STIL: variants seen among roughly 807,000 people sequenced by gnomAD.
The protein encoded by STIL is STIL centriolar assembly protein, also known as SCL-interrupting locus protein.
A neutral mutation model predicts 110.1 loss-of-function variants in STIL; 55 were observed. The ratio of observed to expected loss-of-function variants is 0.50; its 90% CI spans 0.40 to 0.63. The LOEUF (loss-of-function observed/expected upper bound fraction) is 0.63, where lower values mean the gene tolerates loss of function less well. Ranked by LOEUF, STIL falls within the 20% of genes least tolerant of loss-of-function variation. The pLI, the probability that STIL is intolerant of heterozygous loss-of-function variation, is 0.00. For missense variants in STIL, 1,358 were observed against 1,530.0 expected (o/e 0.89, Z 1.87); for synonymous variants, 481 against 530.0 (o/e 0.91, Z 1.27).
chr1:47,270,765 C>T (rs1644812627), intron 13 of STIL, among the ~76,000 whole-genome samples: 1 of 145,868 alleles, frequency 6.9e-6, no homozygotes, highest in East Asian at 2.1e-4. Flanking sequence ...GCAGCCTCAA[C>T]GTCCCTGGGC....
Position 47,287,525 on chromosome 1 carries a change from C to G in STIL, c.1133+26G>C, listed in dbSNP as rs374382017. 15 of 1,442,162 alleles carry G rather than the reference C, an allele frequency of 1.0e-5. No individual in the cohort carries two copies. In the African/African-American group the frequency reaches 2.0e-4, roughly 19 times the overall value. The allele number at this position is 1,442,162 out of a possible 1,614,324, so 89.3% of individuals were successfully genotyped here. On this transcript the variant is annotated intron_variant, in intron 10 of 16. Transcript: ENST00000371877. ...TAAATATAATTTTTAAAAAAACACA[C>G]ACATAATAACAAAAAGATCTTTTAC...
intron 5 of STIL, among the ~76,000 whole-genome samples, chr1:47,300,835 A>G (rs1450223887): frequency 1.3e-5 from 2 of 152,134 alleles, no homozygotes; most frequent in Non-Finnish European, 2.9e-5. Context: ...TGTTACCACA[A>G]ATTGTCAAGT....
At position 47,281,225 on chromosome 1, in the gene STIL, A is replaced by C. The variant is rs766352321; in HGVS notation, c.1249-16T>G. 6.2e-7 allele frequency: 1 copy of C among 1,606,802 alleles called. No individual in the cohort carries two copies. The highest frequency in any genetic ancestry group is 8.5e-7 in the Non-Finnish European group (1 of 1,177,704). On this transcript the variant is annotated splice_polypyrimidine_tract_variant and intron_variant, in intron 11 of 16. Coordinates refer to ENST00000371877, the MANE Select transcript of STIL (RefSeq NM_001048166.1). The stretch of plus-strand genomic sequence containing the variant: ...TCTTAGAAATCTACAAATAAGAAAG[A>C]AATAGAAAAAAAAAGTATTTTTTTG...
At chr1:47,267,855 G>A (rs1644700403) in intron 14 of STIL, among the ~76,000 whole-genome samples, 1 of 151,816 alleles carries the variant, frequency 6.6e-6, no homozygotes, top group Admixed American at 6.6e-5. Flanking sequence ...GACTACATGT[G>A]TGCACCACCG....
intron 10 of STIL, 38 bp downstream of exon 10, chr1:47,287,513 T>A (rs1557749047): frequency 5.2e-6 from 7 of 1,351,406 alleles, no homozygotes; most frequent in East Asian, 4.8e-5. Flanking sequence ...ATATAATTTT[T>A]AAAAAAACAC....
chr1:47,310,526 C>A (rs190507021), intron 1 of STIL, among the ~76,000 whole-genome samples, 164 bp from the exon 2 acceptor site: 2 of 152,128 alleles, frequency 1.3e-5, no homozygotes, highest in East Asian at 1.9e-4. Flanking sequence ...CATTTTCATA[C>A]GTTAGAGTCA....
intron 2 of STIL, 165 bp from the exon 3 acceptor site, chr1:47,305,161 C>T (rs1177897743): frequency 5.2e-6 from 3 of 579,104 alleles, no homozygotes; most frequent in Admixed American, 6.0e-5. Context: ...AGTCTCACTC[C>T]ATCACCCAGG....
At chr1:47,292,811 T>C (rs1373416732) in intron 8 of STIL, among the ~76,000 whole-genome samples, 1 of 152,224 alleles carries the variant, frequency 6.6e-6, no homozygotes, top group African/African-American at 2.4e-5. Context: ...TATTTACATA[T>C]GTCAATTTAT....
In STIL at chr1:47,260,271, CAA is replaced by C. The variant is rs1483004791; in HGVS notation, c.3080+16_3080+17del. 6.2e-7 allele frequency: 1 copy of C among 1,601,912 alleles called. No individual in the cohort carries two copies. Among genetic ancestry groups the C allele is most frequent in the Non-Finnish European group, 8.5e-7 (1 of 1,175,684 alleles). On this transcript the variant is annotated intron_variant, in intron 16 of 16. Transcript: ENST00000371877. The stretch of plus-strand genomic sequence containing the variant: ...AATAAAATTTATTCACTCTTTAAAA[CAA>C]AATTTTAAAAGTTACCTGGCGTGAT...
chr1:47,288,892 C>CAAAAAAAAA (rs138649605), intron 9 of STIL, among the ~76,000 whole-genome samples: 1 of 94,790 alleles, frequency 1.1e-5, no homozygotes, highest in Non-Finnish European at 2.1e-5. Flanking sequence ...AATGAAAATA[C>CAAAAAAAAA]AAAAAAAAAA....
At chr1:47,287,950 T>C (rs980127549) in intron 9 of STIL, among the ~76,000 whole-genome samples, 2 of 150,902 alleles carry the variant, frequency 1.3e-5, no homozygotes, top group Non-Finnish European at 3.0e-5. Context: ...GTTAAAATGA[T>C]AGGTATAAAA....
At chr1:47,311,776 G>A (rs1646133164) in intron 1 of STIL, among the ~76,000 whole-genome samples, 1 of 152,184 alleles carries the variant, frequency 6.6e-6, no homozygotes, top group African/African-American at 2.4e-5. Flanking sequence ...GCCAGGTGTG[G>A]GAGCTCATTC....
chr1:47,297,988 G>A (rs192290268), intron 6 of STIL, among the ~76,000 whole-genome samples: 109 of 150,894 alleles, frequency 7.2e-4, no homozygotes, highest in African/African-American at 2.4e-3. Flanking sequence ...CACTTGAGAA[G>A]TACTTTATTA....
intron 16 of STIL, 42 bp from the exon 17 acceptor site, chr1:47,251,964 A>C: frequency 1.3e-6 from 2 of 1,586,910 alleles, no homozygotes; most frequent in East Asian, 4.5e-5. Context: ...ACCATATTCT[A>C]AGTAATACAT....
chr1:47,255,040 C>T (rs1027692190), intron 16 of STIL, among the ~76,000 whole-genome samples: 3 of 152,034 alleles, frequency 2.0e-5, no homozygotes, highest in Admixed American at 2.0e-4. Context: ...ACCTGTAGTC[C>T]TAGCTTCTCA....
chr1:47,280,061 T>G (rs2148967747), intron 12 of STIL, among the ~76,000 whole-genome samples, 180 bp downstream of exon 12: 1 of 152,294 alleles, frequency 6.6e-6, no homozygotes, highest in Non-Finnish European at 1.5e-5. Context: ...GTTAAATTAT[T>G]CTCTCTAATC....
intron 2 of STIL, among the ~76,000 whole-genome samples, chr1:47,307,021 C>T (rs1193292298): frequency 1.3e-5 from 2 of 152,094 alleles, no homozygotes; most frequent in African/African-American, 4.8e-5. Context: ...TGTGGTGCCA[C>T]GCGCCTCTGG....
chr1:47,288,346 G>C (rs1050068550), intron 9 of STIL, among the ~76,000 whole-genome samples: 2 of 151,642 alleles, frequency 1.3e-5, no homozygotes, highest in Non-Finnish European at 2.9e-5. Flanking sequence ...GCCCAGGCTA[G>C]AGTGCAGCGG....
At chr1:47,252,778 T>C (rs990268775) in intron 16 of STIL, among the ~76,000 whole-genome samples, 17 of 140,190 alleles carry the variant, frequency 1.2e-4, no homozygotes, top group South Asian at 2.4e-4. Context: ...TATGGGCTTA[T>C]ACACACACAC....
Sources: allele counts gnomAD v4.1 joint callset (sites outside exome capture counted in the v4.1 genomes callset), GRCh38; gene constraint gnomAD v4.1.1; transcripts MANE v1.5; gene names NCBI Gene and HGNC (gene_info 2026-07-23, HGNC 2026-07-21).